EDARADD: variants seen among roughly 807,000 people sequenced by gnomAD.
EDARADD encodes EDAR associated via death domain.
In EDARADD, 20 loss-of-function variants were observed where a neutral mutation model predicts 25.6. That is an observed-to-expected ratio of 0.78 (90% confidence interval 0.55 to 1.14). EDARADD has a LOEUF of 1.14. Ranked by LOEUF, EDARADD falls within the 50% of genes most tolerant of loss-of-function variation. The pLI, the probability that EDARADD is intolerant of heterozygous loss-of-function variation, is 0.00. For missense variants in EDARADD, 225 were observed against 270.1 expected, an observed-to-expected ratio of 0.83 and a Z score of 1.17; for synonymous variants, 86 against 94.4, an observed-to-expected ratio of 0.91 and a Z score of 0.52.
intron 4 of EDARADD, among the ~76,000 whole-genome samples, chr1:236,437,348 T>TCAA (rs1658283221): frequency 6.6e-6 from 1 of 152,134 alleles, no homozygotes; most frequent in Non-Finnish European, 1.5e-5. Context: ...CAAATGGAAG[T>TCAA]CTTGAATGCC....
In EDARADD at chr1:236,409,140, A is replaced by G. The variant is rs1411404895; in HGVS notation, c.62-76A>G. The stretch of plus-strand genomic sequence containing the variant: ...AAATTACTTGCCTCTGTATAGAGAC[A>G]GTTATCAAAGGACTCATTTGTGGTT... On this transcript the variant is annotated intron_variant, in intron 1 of 5. Transcript: ENST00000334232. The G allele has an allele frequency of 2.3e-5, 23 of 1,007,816 alleles. No individual in the cohort carries two copies. The East Asian group carries it at 4.8e-4, about 21-fold the overall frequency. The allele number at this position is 1,007,816 out of a possible 1,614,324, so 62.4% of individuals were successfully genotyped here.
At chr1:236,410,549 T>C (rs984959098) in intron 2 of EDARADD, among the ~76,000 whole-genome samples, 2 of 152,124 alleles carry the variant, frequency 1.3e-5, no homozygotes, top group Non-Finnish European at 2.9e-5. Flanking sequence ...AATGGAAGTG[T>C]GCCGCCACCT....
intron 4 of EDARADD, among the ~76,000 whole-genome samples, chr1:236,446,541 C>T (rs887116773): frequency 3.5e-5 from 4 of 115,780 alleles, no homozygotes; most frequent in Non-Finnish European, 5.6e-5. Flanking sequence ...GACAGAGCAA[C>T]ACTCCATCTC....
At chr1:236,471,576 A>G (rs2103037209) in intron 5 of EDARADD, among the ~76,000 whole-genome samples, 1 of 152,190 alleles carries the variant, frequency 6.6e-6, no homozygotes, top group East Asian at 1.9e-4. Flanking sequence ...AAATCTGACC[A>G]TGTATAACCA....
rs1418282406 is a variant in EDARADD, at chr1:236,484,397, C to T, written c.*1748C>T. On this transcript the variant is annotated 3_prime_UTR_variant, in exon 6 of 6. Coordinates refer to ENST00000334232, the MANE Select transcript of EDARADD (RefSeq NM_145861.4). The surrounding 1 kb of genome is among the most constrained non-coding windows in gnomAD (Gnocchi z 4.1). ...GCTTGGCCAAGTACAACCAGCTCCTCAGAATTGAAGAGGAGCTGGGCAGCA... is the reference window on the plus strand; with the variant it reads ...GCTTGGCCAAGTACAACCAGCTCCTTAGAATTGAAGAGGAGCTGGGCAGCA... 4 of 1,608,296 alleles carry T rather than the reference C, an allele frequency of 2.5e-6. No individual in the cohort carries two copies. The highest frequency in any genetic ancestry group is 3.4e-6 in the Non-Finnish European group (4 of 1,175,912).
At chr1:236,364,034 T>C (rs1285245951) in intron 3 of EDARADD, among the ~76,000 whole-genome samples, 2 of 131,544 alleles carry the variant, frequency 1.5e-5, no homozygotes, top group Non-Finnish European at 3.2e-5. Flanking sequence ...CATGCACCTG[T>C]AATTCCAGTT....
At chr1:236,480,547 C>T (rs1374257534) in intron 5 of EDARADD, among the ~76,000 whole-genome samples, 4 of 151,982 alleles carry the variant, frequency 2.6e-5, no homozygotes, top group Non-Finnish European at 5.9e-5. Context: ...AGAGTTACTC[C>T]GTCGGTCCAA....
chr1:236,465,151 T>G (rs1460726799), intron 4 of EDARADD, among the ~76,000 whole-genome samples: 1 of 152,196 alleles, frequency 6.6e-6, no homozygotes, highest in African/African-American at 2.4e-5. Context: ...CATTAATCCT[T>G]GCTTATGTCA....
chr1:236,462,255 G>A (rs1280204635), intron 4 of EDARADD, among the ~76,000 whole-genome samples: 2 of 152,122 alleles, frequency 1.3e-5, no homozygotes, highest in African/African-American at 4.8e-5. Context: ...TTTTGGTTTG[G>A]TTTGGGTCTT....
intron 3 of EDARADD, among the ~76,000 whole-genome samples, chr1:236,387,176 C>T (rs1572120492): frequency 2.8e-5 from 2 of 70,384 alleles, no homozygotes; most frequent in Admixed American, 1.4e-4. Flanking sequence ...CGGCCAGCCG[C>T]CCCGTCCGGG....
intron 4 of EDARADD, among the ~76,000 whole-genome samples, chr1:236,438,451 C>G (rs1366646696): frequency 6.6e-6 from 1 of 152,138 alleles, no homozygotes; most frequent in African/African-American, 2.4e-5. Flanking sequence ...TTTCAGAGAA[C>G]CCCGGTGGTG....
chr1:236,427,375 CTTT>C lies in EDARADD; in HGVS notation c.161-8_161-6del. ...TCACACTTTGTTTCTTTCTTTCTTT[CTTT>C]TTTTTTTTCCTAGCTGAAGAATGTG... On this transcript the variant is annotated splice_polypyrimidine_tract_variant and intron_variant, in intron 3 of 5. Transcript: ENST00000334232. 2 of 1,155,084 alleles carry C rather than the reference CTTT, an allele frequency of 1.7e-6. No individual in the cohort carries two copies. The highest frequency in any genetic ancestry group is 2.4e-6 in the Non-Finnish European group (2 of 828,056). The allele number at this position is 1,155,084 out of a possible 1,614,324, so 71.6% of individuals were successfully genotyped here. A position where few individuals can be genotyped will look rare whatever the true frequency, so the allele number is the denominator to read the frequency against.
intron 3 of EDARADD, among the ~76,000 whole-genome samples, chr1:236,368,445 T>TC (rs201566919): frequency 5.5e-5 from 8 of 145,424 alleles, no homozygotes; most frequent in Non-Finnish European, 3.1e-5. Flanking sequence ...CTTTTCTTTT[T>TC]TTTTTTTTTT....
chr1:236,447,406 GC>G (rs1298249823), intron 4 of EDARADD, among the ~76,000 whole-genome samples: 1 of 151,958 alleles, frequency 6.6e-6, no homozygotes, highest in Admixed American at 6.6e-5. Flanking sequence ...ACAGGCACGT[GC>G]CGCCACGCCT....
intron 3 of EDARADD, among the ~76,000 whole-genome samples, chr1:236,427,169 C>T (rs1191936642): frequency 6.6e-6 from 1 of 152,126 alleles, no homozygotes; most frequent in African/African-American, 2.4e-5. Flanking sequence ...AAAAAATAAG[C>T]AGGAATTGTG....
At chr1:236,423,816 A>G (rs1657840037) in intron 3 of EDARADD, among the ~76,000 whole-genome samples, 1 of 152,174 alleles carries the variant, frequency 6.6e-6, no homozygotes, top group Admixed American at 6.6e-5. Context: ...GTAAAAGTGT[A>G]GTAATCTGGC....
intron 2 of EDARADD, among the ~76,000 whole-genome samples, chr1:236,349,493 A>G (rs1238007572): frequency 6.6e-6 from 1 of 151,948 alleles, no homozygotes; most frequent in Non-Finnish European, 1.5e-5. Context: ...TACATTTAAG[A>G]AATACATTGG....
At chr1:236,364,374 C>T (rs1401387625) in intron 3 of EDARADD, among the ~76,000 whole-genome samples, 1 of 152,130 alleles carries the variant, frequency 6.6e-6, no homozygotes, top group African/African-American at 2.4e-5. Context: ...TGTTTGCCCA[C>T]TCTATAAACT....
chr1:236,457,840 A>T (rs7523512), intron 4 of EDARADD, among the ~76,000 whole-genome samples: 49,873 of 151,056 alleles, frequency 0.33, 8,974 homozygotes, highest in Non-Finnish European at 0.41. Flanking sequence ...AAAAAAAAAA[A>T]AAATCAGGCC....
Sources: allele counts gnomAD v4.1 joint callset (sites outside exome capture counted in the v4.1 genomes callset), GRCh38; gene constraint gnomAD v4.1.1; non-coding constraint Gnocchi (gnomAD v3.1); transcripts MANE v1.5; gene names NCBI Gene and HGNC (gene_info 2026-07-23, HGNC 2026-07-21).